The following FGGY variants were observed in gnomAD, a reference collection of about 807,000 sequenced individuals.
FGGY encodes the protein FGGY carbohydrate kinase domain containing.
FGGY carries 72 observed loss-of-function variants against 71.3 expected under a neutral mutation model. The ratio of observed to expected loss-of-function variants is 1.01; its 90% CI spans 0.84 to 1.23. FGGY has a LOEUF of 1.23. FGGY is among the 50% of genes most tolerant of loss of function. The pLI is 0.00. For synonymous variants in FGGY, 251 were observed against 250.3 expected (o/e 1.00, Z -0.02); for missense variants, 668 against 682.3 (o/e 0.98, Z 0.23).
At chr1:59,531,105 A>G (rs2095130194) in intron 7 of FGGY, among the ~76,000 whole-genome samples, 1 of 152,228 alleles carries the variant, frequency 6.6e-6, no homozygotes, top group East Asian at 1.9e-4. Context: ...GCACTGGACA[A>G]TGATGGCATG....
At chr1:59,578,305 G>A (rs558449941) in intron 8 of FGGY, among the ~76,000 whole-genome samples, 12 of 152,144 alleles carry the variant, frequency 7.9e-5, no homozygotes, top group South Asian at 6.2e-4. Context: ...ACCACTGGAC[G>A]GAGAGATAGC....
Position 59,735,521 on chromosome 1 carries a change from G to A in FGGY, c.1513-22410G>A, listed in dbSNP as rs940786174. Among the ~76,000 whole-genome samples the A allele has an allele frequency of 3.9e-5, 6 of 152,196 alleles. No individual in the cohort carries two copies. The East Asian group carries it at 5.8e-4, about 15-fold the overall frequency. On this transcript the variant is annotated intron_variant, in intron 14 of 15. Coordinates refer to ENST00000303721, the MANE Select transcript of FGGY (RefSeq NM_018291.5). The stretch of plus-strand genomic sequence containing the variant: ...CACCATTGAATCCACTGTGCACAGA[G>A]GTAACCAACATTTGTGACACCTGCT...
chr1:59,698,869 A>G, intron 14 of FGGY: 1 of 985,424 alleles, frequency 1.0e-6, no homozygotes, highest in Non-Finnish European at 1.2e-6. Context: ...ATAATAATGA[A>G]ACTGAATTGT....
At chr1:59,394,910 C>A (rs1212411320) in intron 5 of FGGY, among the ~76,000 whole-genome samples, 1 of 151,998 alleles carries the variant, frequency 6.6e-6, no homozygotes. Flanking sequence ...AATCTCTGGG[C>A]AAACCAGGCC....
At chr1:59,351,041 G>C (rs1471471190) in intron 4 of FGGY, among the ~76,000 whole-genome samples, 1 of 152,202 alleles carries the variant, frequency 6.6e-6, no homozygotes, top group Non-Finnish European at 1.5e-5. Flanking sequence ...ACATTTTCAA[G>C]TGGTTAAGAA....
At chr1:59,522,718 C>T (rs763741420) in intron 7 of FGGY, among the ~76,000 whole-genome samples, 4 of 152,170 alleles carry the variant, frequency 2.6e-5, no homozygotes, top group Admixed American at 6.5e-5. Context: ...TTACCTCCCA[C>T]GAATGGTTGG....
rs544772376 is a variant in FGGY at position 59,558,391 on chromosome 1, G to A, written c.903+4164G>A. ...GAGAAATAAAGAGAAAGAGTACAAC[G>A]AGAGGAATTTTACAGCTGGGCTGCT... On this transcript the variant is annotated intron_variant, in intron 8 of 15. Transcript: ENST00000303721. Among the ~76,000 whole-genome samples, 47 of 152,192 alleles carry A rather than the reference G, an allele frequency of 3.1e-4. 1 individual carries two copies. Among genetic ancestry groups the A allele is most frequent in the South Asian group, 2.7e-3 (13 of 4,818 alleles).
intron 9 of FGGY, among the ~76,000 whole-genome samples, chr1:59,614,318 T>A (rs2096725489): frequency 6.6e-6 from 1 of 152,178 alleles, no homozygotes; most frequent in Non-Finnish European, 1.5e-5. Context: ...GTGGGCTTCA[T>A]CCCTGGGATG....
At chr1:59,621,459 CAA>C (rs56172542) in intron 9 of FGGY, among the ~76,000 whole-genome samples, 6 of 98,798 alleles carry the variant, frequency 6.1e-5, no homozygotes, top group African/African-American at 1.5e-4. Context: ...GCCTCCGTCT[CAA>C]AAAAAAAAAA....
At chr1:59,757,016 A>G (rs1423762007) in intron 14 of FGGY, among the ~76,000 whole-genome samples, 1 of 151,592 alleles carries the variant, frequency 6.6e-6, no homozygotes, top group Non-Finnish European at 1.5e-5. Flanking sequence ...ATAGTAAGTG[A>G]TTAATAAATG....
At chr1:59,408,026 T>C (rs934747439) in intron 5 of FGGY, among the ~76,000 whole-genome samples, 89 of 152,356 alleles carry the variant, frequency 5.8e-4, no homozygotes, top group African/African-American at 2.0e-3. Context: ...GAATATTTCT[T>C]TGTTCTCATA....
chr1:59,643,608 A>G (rs560122846), intron 11 of FGGY, among the ~76,000 whole-genome samples: 1 of 152,360 alleles, frequency 6.6e-6, no homozygotes, highest in East Asian at 1.9e-4. Context: ...GGCAAAGACC[A>G]CAAGACAACT....
At chr1:59,344,421 G>A (rs763246741) in intron 3 of FGGY, among the ~76,000 whole-genome samples, 1 of 151,118 alleles carries the variant, frequency 6.6e-6, no homozygotes, top group Non-Finnish European at 1.5e-5. Flanking sequence ...TGCCATATTT[G>A]CCTCAGCTCC....
At chr1:59,461,773 T>G (rs1009005549) in intron 6 of FGGY, among the ~76,000 whole-genome samples, 3 of 151,720 alleles carry the variant, frequency 2.0e-5, no homozygotes, top group Non-Finnish European at 2.9e-5. Flanking sequence ...CAACATTCTT[T>G]TGTTTTGTTT....
chr1:59,510,627 A>T (rs1336431023), intron 6 of FGGY, among the ~76,000 whole-genome samples: 1 of 152,188 alleles, frequency 6.6e-6, no homozygotes, highest in Non-Finnish European at 1.5e-5. Flanking sequence ...TGTAATCTTA[A>T]ATTTTTTAGT....
chr1:59,643,277 C>A (rs1008577051), intron 11 of FGGY, among the ~76,000 whole-genome samples: 3 of 152,080 alleles, frequency 2.0e-5, no homozygotes. Flanking sequence ...TAACCTTGAA[C>A]TTCTGAGCTC....
chr1:59,426,274 C>T (rs191618453), intron 5 of FGGY, among the ~76,000 whole-genome samples: 86 of 152,222 alleles, frequency 5.6e-4, no homozygotes, highest in Non-Finnish European at 1.1e-3. Context: ...TGAATTCCTC[C>T]CTTTCCCCAG....
intron 8 of FGGY, among the ~76,000 whole-genome samples, chr1:59,558,377 A>G (rs2095727977): frequency 6.6e-6 from 1 of 152,280 alleles, no homozygotes; most frequent in South Asian, 2.1e-4. Context: ...AGAAATAAAG[A>G]GAAAGAGTAC....
chr1:59,675,967 AGCTG>A (rs2097431483), intron 14 of FGGY, among the ~76,000 whole-genome samples: 1 of 152,082 alleles, frequency 6.6e-6, no homozygotes, highest in Non-Finnish European at 1.5e-5. Flanking sequence ...GACACCAGAG[AGCTG>A]GCTTGTTCTC....
Sources: gnomAD v4.1 joint callset for allele counts (sites outside exome capture counted in the v4.1 genomes callset) on GRCh38, gnomAD v4.1.1 for gene constraint, MANE v1.5 for transcripts, NCBI Gene and HGNC (gene_info 2026-07-23, HGNC 2026-07-21) for gene names.